Variants in ANKRD18A observed in about 807,000 individuals in gnomAD.
ANKRD18A encodes the protein ankyrin repeat domain 18A.
A neutral mutation model predicts 110.6 loss-of-function variants in ANKRD18A; 72 were observed. The observed-to-expected ratio is 0.65, with a 90% CI of 0.54 to 0.79. The LOEUF (loss-of-function observed/expected upper bound fraction) is 0.79. ANKRD18A is among the 30% of genes least tolerant of loss of function. The pLI is 0.00. For synonymous variants in ANKRD18A, 305 were observed against 410.3 expected (o/e 0.74, Z 3.10); for missense variants, 934 against 1,163.3 (o/e 0.80, Z 2.87).
chr9:38,596,189 A>G lies in ANKRD18A; in HGVS notation c.1151T>C (p.Val384Ala). ...RLNEKMITKT[V>A]ARYSQQLNDL... The stretch of plus-strand genomic sequence containing the variant: ...ATTAAGCTGTTGCGAATACCGGGCC[A>G]CTGTTTTTGTTATCATTTTTTCATT... The change falls in exon 9 of 16, where the codon GTG becomes GCG. Residue 384 changes from valine (V) to alanine (A), a missense_variant. Coordinates refer to ENST00000399703, the MANE Select transcript of ANKRD18A (RefSeq NM_147195.4). 8 of 1,539,442 alleles carry G rather than the reference A, an allele frequency of 5.2e-6. No individual in the cohort carries two copies. The highest frequency in any genetic ancestry group is 7.0e-6 in the Non-Finnish European group (8 of 1,142,414).
chr9:38,603,354 A>T (rs1825213421), intron 6 of ANKRD18A, 142 bp from the exon 7 acceptor site: 10 of 1,172,632 alleles, frequency 8.5e-6, no homozygotes, highest in Non-Finnish European at 1.2e-5. Flanking sequence ...CATCACCACA[A>T]ATTTAAAAGT....
intron 5 of ANKRD18A, among the ~76,000 whole-genome samples, chr9:38,609,382 G>A (rs1409393840): frequency 6.6e-6 from 1 of 152,142 alleles, no homozygotes; most frequent in Non-Finnish European, 1.5e-5. Context: ...TTGGTAGGCT[G>A]AGGCAGGAGA....
downstream of ANKRD18A, among the ~76,000 whole-genome samples, chr9:38,570,457 G>C (rs546433728): frequency 6.6e-6 from 1 of 151,978 alleles, no homozygotes; most frequent in Non-Finnish European, 1.5e-5. Flanking sequence ...TGTTCCAACC[G>C]ATCAGGCCCC....
At chr9:38,583,421 TAGCCCAGGCTG>T (rs1224223241) in intron 12 of ANKRD18A, among the ~76,000 whole-genome samples, 18 of 152,192 alleles carry the variant, frequency 1.2e-4, no homozygotes, top group East Asian at 1.9e-4. Flanking sequence ...TCTTGTTCCG[TAGCCCAGGCTG>T]GAGTGCAGTG....
intron 5 of ANKRD18A, among the ~76,000 whole-genome samples, chr9:38,608,672 T>C (rs1825465990): frequency 6.8e-6 from 1 of 146,348 alleles, no homozygotes; most frequent in Non-Finnish European, 1.5e-5. Context: ...AAATTTAAAA[T>C]AACATAAATA....
intron 12 of ANKRD18A, among the ~76,000 whole-genome samples, chr9:38,581,199 G>C (rs1242974832): frequency 6.6e-6 from 1 of 152,188 alleles, no homozygotes; most frequent in South Asian, 2.1e-4. Context: ...TTAGGTAGCA[G>C]AAAAGAGTCT....
intron 12 of ANKRD18A, among the ~76,000 whole-genome samples, chr9:38,584,695 A>G (rs1824300656): frequency 6.6e-6 from 1 of 152,306 alleles, no homozygotes; most frequent in Non-Finnish European, 1.5e-5. Context: ...GGAAAAATAT[A>G]TACATACATA....
At chr9:38,582,658 G>A (rs1824213449) in intron 12 of ANKRD18A, among the ~76,000 whole-genome samples, 1 of 152,174 alleles carries the variant, frequency 6.6e-6, no homozygotes, top group East Asian at 1.9e-4. Flanking sequence ...AAATTACAAA[G>A]TTGGACTCTC....
chr9:38,589,972 C>T (rs1824566384), intron 10 of ANKRD18A, among the ~76,000 whole-genome samples: 1 of 152,176 alleles, frequency 6.6e-6, no homozygotes, highest in African/African-American at 2.4e-5. Context: ...ATATTCTCAA[C>T]CACACACTTA....
At chr9:38,586,381 A>G (rs1466243457) in intron 11 of ANKRD18A, 69 bp from the exon 12 acceptor site, 26 of 1,329,284 alleles carry the variant, frequency 2.0e-5, no homozygotes, top group Admixed American at 2.6e-5. Flanking sequence ...GTTTAAACAG[A>G]TATTATGTTA....
At chr9:38,610,450 T>G in intron 4 of ANKRD18A, 40 bp from the exon 5 acceptor site, 2 of 1,516,366 alleles carry the variant, frequency 1.3e-6, no homozygotes, top group Non-Finnish European at 1.8e-6. Context: ...AGAACTTTGA[T>G]GAAGATATTT....
At chr9:38,590,640 T>C (rs1033768280) in intron 10 of ANKRD18A, among the ~76,000 whole-genome samples, 1 of 152,182 alleles carries the variant, frequency 6.6e-6, no homozygotes, top group Non-Finnish European at 1.5e-5. Flanking sequence ...TCCTTTTCCA[T>C]AGAGATATGG....
chr9:38,596,901 G>A (rs1178923941), intron 8 of ANKRD18A, among the ~76,000 whole-genome samples: 1 of 152,072 alleles, frequency 6.6e-6, no homozygotes, highest in East Asian at 1.9e-4. Context: ...TTTTTTAGTT[G>A]TAAGAATTAC....
At chr9:38,575,238 T>C (rs1823829777) in intron 15 of ANKRD18A, among the ~76,000 whole-genome samples, 1 of 152,234 alleles carries the variant, frequency 6.6e-6, no homozygotes, top group African/African-American at 2.4e-5. Context: ...AAAGAAATTT[T>C]AAATGTGTCA....
In ANKRD18A at chr9:38,595,815, GC is replaced by G. The variant is rs1391220587; in HGVS notation, c.1524del (p.Gln508HisfsTer4). The G allele has an allele frequency of 1.3e-6, 2 of 1,551,190 alleles. No homozygotes were observed. The highest frequency in any genetic ancestry group is 2.0e-5 in the Admixed American group (1 of 50,940). ...REKTLALGSV[Q>X]LDLRQAQHRI... ...CGATGCTGTGCTTGCCTTAGGTCCAGCTGTACACTTCCTAAAGCCAATGTCT... is the reference window on the plus strand; with the variant it reads ...CGATGCTGTGCTTGCCTTAGGTCCAGTGTACACTTCCTAAAGCCAATGTCT... On this transcript the variant is annotated frameshift_variant, in exon 9 of 16. Coordinates refer to ENST00000399703, the MANE Select transcript of ANKRD18A (RefSeq NM_147195.4). LOFTEE classifies it high-confidence loss of function.
chr9:38,580,489 A>T (rs1283356739), intron 12 of ANKRD18A, among the ~76,000 whole-genome samples: 1 of 152,256 alleles, frequency 6.6e-6, no homozygotes. Flanking sequence ...ACAGAATTAC[A>T]GTTAGATAAG....
chr9:38,575,643 T>C lies in ANKRD18A; in HGVS notation c.2797A>G (p.Met933Val). 1 of 1,551,772 alleles carries C rather than the reference T, an allele frequency of 6.4e-7. No individual in the cohort carries two copies. The highest frequency in any genetic ancestry group is 8.7e-7 in the Non-Finnish European group (1 of 1,146,882). The part of the protein sequence containing the change: ...STKLFTEKQR[M>V]KYFLSTLPTR... ...GGAAGAGTGCTGAGAAAATATTTCA[T>C]CCGCTGTTTCTCCGTAAAGAGCTTG... is the stretch of plus-strand genomic sequence containing the variant. The change falls in exon 15 of 16, where the codon ATG becomes GTG. Residue 933 changes from methionine (M) to valine (V), a missense_variant. Physicochemically the swap from Met to Val is conservative, Grantham distance 21. Around this residue, in one of 4 missense-constraint regions of ANKRD18A, gnomAD observed 223 missense variants for 226.7 expected, o/e 0.98. Coordinates refer to ENST00000399703, the MANE Select transcript of ANKRD18A (RefSeq NM_147195.4).
At chr9:38,601,943 A>G (rs551997487) in intron 7 of ANKRD18A, among the ~76,000 whole-genome samples, 148 of 150,694 alleles carry the variant, frequency 9.8e-4, no homozygotes, top group African/African-American at 3.2e-3. Context: ...CGGTCATGCC[A>G]TTGCACTCCA....
chr9:38,579,135 T>C (rs907829095), intron 12 of ANKRD18A, among the ~76,000 whole-genome samples: 2 of 152,118 alleles, frequency 1.3e-5, no homozygotes, highest in African/African-American at 4.8e-5. Context: ...AAACTACCCA[T>C]ATGAAGAATG....
Sources: gnomAD v4.1 joint callset for allele counts (sites outside exome capture counted in the v4.1 genomes callset) on GRCh38, gnomAD v4.1.1 for gene constraint, gnomAD v4.1.1 regional missense constraint, MANE v1.5 for transcripts, NCBI Gene and HGNC (gene_info 2026-07-23, HGNC 2026-07-21) for gene names.